ARHGAP24: variants seen among roughly 807,000 people sequenced by gnomAD.
The protein encoded by ARHGAP24 is rho GTPase-activating protein 24.
ARHGAP24 carries 50 observed loss-of-function variants against 76.4 expected under a neutral mutation model. The observed-to-expected ratio is 0.65, with a 90% CI of 0.52 to 0.83. The LOEUF (loss-of-function observed/expected upper bound fraction) is 0.83. Among genes scored for constraint, ARHGAP24 ranks in the 40% least tolerant of loss-of-function variants. The pLI, the probability that ARHGAP24 is intolerant of heterozygous loss-of-function variation, is 0.00. For synonymous variants in ARHGAP24, 345 were observed against 323.3 expected, an observed-to-expected ratio of 1.07 and a Z score of -0.72; for missense variants, 930 against 914.2, an observed-to-expected ratio of 1.02 and a Z score of -0.22.
chr4:85,541,557 T>A (rs1186549921), intron 1 of ARHGAP24, among the ~76,000 whole-genome samples: 1 of 152,016 alleles, frequency 6.6e-6, no homozygotes, highest in African/African-American at 2.4e-5. Context: ...TAGCTTAACA[T>A]AATTTTTTGA....
At chr4:85,608,806 C>G (rs1025714825) in intron 2 of ARHGAP24, among the ~76,000 whole-genome samples, 1 of 152,024 alleles carries the variant, frequency 6.6e-6, no homozygotes. Flanking sequence ...GCAATCTGCA[C>G]GCCTCAGCCT....
At chr4:85,801,302 A>C (rs1728570295) in intron 3 of ARHGAP24, among the ~76,000 whole-genome samples, 1 of 152,346 alleles carries the variant, frequency 6.6e-6, no homozygotes, top group Admixed American at 6.5e-5. Flanking sequence ...TTGTATGATT[A>C]GGAAATATTA....
rs1723128062 is a variant in ARHGAP24, at chr4:85,487,459, TA to T, written c.-21+11903del. 4.3e-5 allele frequency among the ~76,000 whole-genome samples: 3 copies of T among 70,074 alleles called. 1 individual carries two copies. The highest frequency in any genetic ancestry group is 8.7e-5 in the Non-Finnish European group (3 of 34,570). The allele number at this position is 70,074 out of a possible 152,430, so 46.0% of individuals were successfully genotyped here. On this transcript the variant is annotated intron_variant, in intron 1 of 9. Coordinates refer to ENST00000395184, the MANE Select transcript of ARHGAP24 (RefSeq NM_001025616.3). ...AAATATATATTTATTATATATTATA[TA>T]AACATATATTTATTACATATTATAT...
chr4:85,622,012 G>C (rs987693576), intron 2 of ARHGAP24, among the ~76,000 whole-genome samples: 1 of 151,946 alleles, frequency 6.6e-6, no homozygotes. Flanking sequence ...TTCTTTTGCT[G>C]TATCCCATAA....
chr4:85,714,831 G>GA lies in ARHGAP24; in HGVS notation c.181-7052dup, dbSNP rs370596627. ...TGTAACTAATTTCAGAAGCTAAGAA[G>GA]AACTTGATAACTATTTATAAAACTT... On this transcript the variant is annotated intron_variant, in intron 2 of 9. Coordinates refer to ENST00000395184, the MANE Select transcript of ARHGAP24 (RefSeq NM_001025616.3). Among the ~76,000 whole-genome samples the GA allele has an allele frequency of 5.3e-3, 803 of 152,186 alleles. 6 individuals are homozygous for GA. The highest frequency in any genetic ancestry group is 0.018 in the African/African-American group (759 of 41,540).
intron 4 of ARHGAP24, among the ~76,000 whole-genome samples, chr4:85,936,533 T>C (rs2148821118): frequency 6.6e-6 from 1 of 152,156 alleles, no homozygotes; most frequent in South Asian, 2.1e-4. Context: ...AGGATAGATA[T>C]ATAGTATGTA....
At chr4:85,951,188 C>T (rs777212215) in intron 5 of ARHGAP24, among the ~76,000 whole-genome samples, 59 of 151,738 alleles carry the variant, frequency 3.9e-4, no homozygotes, top group Non-Finnish European at 1.2e-4. Context: ...GAAGGGGTTC[C>T]CAGATCCATG....
At chr4:85,945,855 C>A (rs1263585819) in intron 5 of ARHGAP24, among the ~76,000 whole-genome samples, 1 of 151,558 alleles carries the variant, frequency 6.6e-6, no homozygotes, top group Non-Finnish European at 1.5e-5. Context: ...TTGTCCTTTT[C>A]CTTTATAAAG....
intron 1 of ARHGAP24, among the ~76,000 whole-genome samples, chr4:85,541,321 T>C (rs1725691633): frequency 7.3e-6 from 1 of 136,810 alleles, no homozygotes; most frequent in South Asian, 2.1e-4. Context: ...GCCCGGCTAA[T>C]TTTTTGTATT....
chr4:85,832,986 G>T (rs1278603403), intron 3 of ARHGAP24, among the ~76,000 whole-genome samples: 1 of 152,134 alleles, frequency 6.6e-6, no homozygotes. Flanking sequence ...CAGGCTCCCA[G>T]GCTTCAGAGA....
chr4:85,694,680 T>C (rs1159596693), intron 2 of ARHGAP24, among the ~76,000 whole-genome samples: 1 of 152,208 alleles, frequency 6.6e-6, no homozygotes, highest in Admixed American at 6.5e-5. Flanking sequence ...TGTGTGTGTA[T>C]ATGTGTTTTA....
intron 3 of ARHGAP24, among the ~76,000 whole-genome samples, chr4:85,740,317 G>A (rs372172580): frequency 3.7e-3 from 568 of 151,594 alleles, no homozygotes; most frequent in African/African-American, 0.013. Context: ...CCCACTCCTG[G>A]GTTCAGGCGA....
intron 2 of ARHGAP24, among the ~76,000 whole-genome samples, chr4:85,661,160 C>T (rs1722369048): frequency 2.0e-5 from 3 of 152,196 alleles, no homozygotes. Flanking sequence ...GATTTTGCTT[C>T]TGCAGTTGAA....
At chr4:85,506,150 T>C (rs901327831) in intron 1 of ARHGAP24, among the ~76,000 whole-genome samples, 3 of 152,092 alleles carry the variant, frequency 2.0e-5, no homozygotes, top group African/African-American at 7.2e-5. Flanking sequence ...GTATGAGGTG[T>C]CTGTTGGCCC....
intron 3 of ARHGAP24, among the ~76,000 whole-genome samples, chr4:85,903,873 G>T (rs763572354): frequency 8.6e-5 from 13 of 152,018 alleles, no homozygotes; most frequent in Non-Finnish European, 1.5e-4. Flanking sequence ...GCAAAGAAAA[G>T]TTTCATAAGG....
chr4:85,794,513 C>T (rs1395864233), intron 3 of ARHGAP24, among the ~76,000 whole-genome samples: 1 of 152,146 alleles, frequency 6.6e-6, no homozygotes, highest in Non-Finnish European at 1.5e-5. Context: ...GACAGAGTCT[C>T]ACCTTGACCC....
chr4:85,782,372 T>A (rs921563), intron 3 of ARHGAP24, among the ~76,000 whole-genome samples: 152,356 of 152,360 alleles, frequency 1, 76,176 homozygotes, highest in Non-Finnish European at 1. Flanking sequence ...CAGTGTCATT[T>A]TGAATACACG....
At chr4:85,660,697 G>A (rs1722343794) in intron 2 of ARHGAP24, among the ~76,000 whole-genome samples, 1 of 148,922 alleles carries the variant, frequency 6.7e-6, no homozygotes, top group African/African-American at 2.5e-5. Flanking sequence ...TCAGGAGGCT[G>A]AGGCAGGAGA....
intron 3 of ARHGAP24, among the ~76,000 whole-genome samples, chr4:85,825,823 C>G (rs1729688164): frequency 6.6e-6 from 1 of 152,192 alleles, no homozygotes; most frequent in Non-Finnish European, 1.5e-5. Flanking sequence ...CTTGTCTTCC[C>G]TATTCTCACT....
Sources: gnomAD v4.1 joint callset for allele counts (sites outside exome capture counted in the v4.1 genomes callset) on GRCh38, gnomAD v4.1.1 for gene constraint, MANE v1.5 for transcripts, NCBI Gene and HGNC (gene_info 2026-07-23, HGNC 2026-07-21) for gene names.